KLHL3: variants seen among roughly 807,000 people sequenced by gnomAD.
KLHL3 encodes kelch like family member 3.
A neutral mutation model predicts 70.5 loss-of-function variants in KLHL3; 19 were observed. The ratio of observed to expected loss-of-function variants is 0.27; its 90% CI spans 0.19 to 0.40. The LOEUF (loss-of-function observed/expected upper bound fraction) is 0.40. KLHL3 is among the 10% of genes least tolerant of loss of function. KLHL3 has a pLI of 1.00. For synonymous variants in KLHL3, 258 were observed against 290.3 expected, an observed-to-expected ratio of 0.89 and a Z score of 1.13; for missense variants, 512 against 771.1, an observed-to-expected ratio of 0.66 and a Z score of 3.98.
At chr5:137,641,052 T>A (rs1185261366) in intron 8 of KLHL3, among the ~76,000 whole-genome samples, 8 of 152,352 alleles carry the variant, frequency 5.3e-5, no homozygotes, top group African/African-American at 1.9e-4. Context: ...AATTATGGTA[T>A]CACTGCTGTG....
chr5:137,722,529 A>C (rs943722764), intron 1 of KLHL3, among the ~76,000 whole-genome samples: 6 of 152,064 alleles, frequency 3.9e-5, no homozygotes, highest in African/African-American at 1.4e-4. Flanking sequence ...CAAAGATGAA[A>C]ATTTTCTTCA....
At chr5:137,726,155 C>T (rs1753081849) in intron 1 of KLHL3, among the ~76,000 whole-genome samples, 1 of 152,184 alleles carries the variant, frequency 6.6e-6, no homozygotes, top group African/African-American at 2.4e-5. Context: ...CTCTTCGGGG[C>T]TGTGAGGTTT....
At chr5:137,649,250 G>C (rs1017910285) in intron 8 of KLHL3, among the ~76,000 whole-genome samples, 2 of 152,212 alleles carry the variant, frequency 1.3e-5, no homozygotes, top group African/African-American at 4.8e-5. Context: ...TTAGTGACTT[G>C]TATCTAGCAA....
intron 1 of KLHL3, among the ~76,000 whole-genome samples, chr5:137,729,301 G>A (rs1302581049): frequency 6.6e-6 from 1 of 152,198 alleles, no homozygotes; most frequent in African/African-American, 2.4e-5. Context: ...AACAAAGAAA[G>A]TGTCATTTAG....
intron 11 of KLHL3, among the ~76,000 whole-genome samples, chr5:137,635,781 TC>T (rs1750752291): frequency 6.6e-6 from 1 of 152,134 alleles, no homozygotes; most frequent in Non-Finnish European, 1.5e-5. Flanking sequence ...CAGCCTGTCT[TC>T]CACGTCAACA....
chr5:137,688,826 A>G (rs1037122756), intron 5 of KLHL3, among the ~76,000 whole-genome samples: 3 of 152,244 alleles, frequency 2.0e-5, no homozygotes, highest in Non-Finnish European at 4.4e-5. Context: ...TATGACCCAA[A>G]GGGAGAGCTC....
Position 137,692,719 on chromosome 5 carries a change from T to C in KLHL3, c.364-272A>G, listed in dbSNP as rs1202225568. 3 of 399,772 alleles carry C rather than the reference T, an allele frequency of 7.5e-6. No homozygotes were observed. The Admixed American group carries it at 1.1e-4, about 15-fold the overall frequency. 24.8% of individuals were successfully genotyped at this position (399,772 alleles called of 1,614,324 possible). A position where few individuals can be genotyped will look rare whatever the true frequency, so the allele number is the denominator to read the frequency against. ...TTATTAAAATGCAGATTCTAATTCA[T>C]TAGGTCTAGGATGGGATCTGAGAGC... is the stretch of plus-strand genomic sequence containing the variant. On this transcript the variant is annotated intron_variant, in intron 4 of 14. Coordinates refer to ENST00000309755, the MANE Select transcript of KLHL3 (RefSeq NM_017415.3).
intron 1 of KLHL3, among the ~76,000 whole-genome samples, chr5:137,733,943 G>A (rs1340920362): frequency 6.6e-6 from 1 of 152,188 alleles, no homozygotes; most frequent in Non-Finnish European, 1.5e-5. Flanking sequence ...GCTCGGTTTG[G>A]ATTTCTTGTC....
chr5:137,721,501 G>A (rs533650615), intron 1 of KLHL3, among the ~76,000 whole-genome samples: 1 of 152,302 alleles, frequency 6.6e-6, no homozygotes, highest in Admixed American at 6.5e-5. Context: ...GGAAGCAGTC[G>A]AACAACAGCG....
intron 6 of KLHL3, among the ~76,000 whole-genome samples, chr5:137,664,843 T>C (rs1353175097): frequency 6.6e-6 from 1 of 151,992 alleles, no homozygotes; most frequent in Admixed American, 6.6e-5. Flanking sequence ...AATAAAGTTG[T>C]TGGATGGGGA....
intron 1 of KLHL3, among the ~76,000 whole-genome samples, chr5:137,735,147 C>T (rs1244888005): frequency 6.6e-6 from 1 of 152,224 alleles, no homozygotes; most frequent in Non-Finnish European, 1.5e-5. Context: ...CGCGCGCACA[C>T]ACACAGCCAT....
chr5:137,721,265 G>A (rs1373930265), intron 1 of KLHL3: 1 of 152,306 alleles, frequency 6.6e-6, no homozygotes. Context: ...CACAAAGTGT[G>A]TTCAAAGTAC....
chr5:137,647,432 G>T (rs902309728), intron 8 of KLHL3: 3 of 323,992 alleles, frequency 9.3e-6, no homozygotes, highest in Non-Finnish European at 6.5e-6. Flanking sequence ...CCCTAGCCCT[G>T]GCCTCAGGAC....
At chr5:137,715,437 A>T (rs1035951488) in intron 2 of KLHL3, among the ~76,000 whole-genome samples, 34 of 152,178 alleles carry the variant, frequency 2.2e-4, no homozygotes, top group African/African-American at 8.2e-4. Flanking sequence ...TCTAGTTCCC[A>T]TTAAACTCAC....
At chr5:137,669,211 T>G (rs751964699) in intron 6 of KLHL3, among the ~76,000 whole-genome samples, 5 of 152,148 alleles carry the variant, frequency 3.3e-5, no homozygotes, top group African/African-American at 4.8e-5. Context: ...GCACATTTCA[T>G]TCATACCACA....
chr5:137,678,674 T>C (rs1190467772), intron 5 of KLHL3, among the ~76,000 whole-genome samples: 1 of 152,232 alleles, frequency 6.6e-6, no homozygotes, highest in Non-Finnish European at 1.5e-5. Flanking sequence ...TCATTTCTTG[T>C]GAAAATCATT....
chr5:137,648,479 C>A (rs1020217204), intron 8 of KLHL3, among the ~76,000 whole-genome samples: 1 of 152,224 alleles, frequency 6.6e-6, no homozygotes, highest in African/African-American at 2.4e-5. Context: ...TTCCTGAAAC[C>A]TCATTTCCTT....
At chr5:137,658,507 T>C (rs1402265105) in intron 7 of KLHL3, among the ~76,000 whole-genome samples, 1 of 152,238 alleles carries the variant, frequency 6.6e-6, no homozygotes, top group Non-Finnish European at 1.5e-5. Flanking sequence ...TTAACGTCTC[T>C]GATCCTCAGT....
intron 3 of KLHL3, 79 bp downstream of exon 3, chr5:137,709,671 C>T: frequency 1.8e-6 from 2 of 1,140,042 alleles, no homozygotes; most frequent in Non-Finnish European, 1.3e-6. Flanking sequence ...CCTCCCTCCC[C>T]TCATGTCACC....
Sources: gnomAD v4.1 joint callset for allele counts (sites outside exome capture counted in the v4.1 genomes callset) on GRCh38, gnomAD v4.1.1 for gene constraint, MANE v1.5 for transcripts, NCBI Gene and HGNC (gene_info 2026-07-23, HGNC 2026-07-21) for gene names.